Variants in ZNF469 observed in about 807,000 individuals in gnomAD.
The protein encoded by ZNF469 is zinc finger protein 469.
In ZNF469, 1 loss-of-function variant was observed where a neutral mutation model predicts 1.0. The observed-to-expected ratio is 1.00, with a 90% CI of 0.35 to 4.73. The LOEUF (loss-of-function observed/expected upper bound fraction) is 4.73. Ranked by LOEUF, ZNF469 falls within the 30% of genes most tolerant of loss-of-function variation. The pLI is 0.16. For missense variants in ZNF469, 6,100 were observed against 5,356.3 expected (o/e 1.14, Z -4.33); for synonymous variants, 2,703 against 2,363.4 (o/e 1.14, Z -4.17).
At chr16:88,229,387 A>AG in the ZNF469 span, among the ~76,000 whole-genome samples, 1 of 152,206 alleles carries the variant, frequency 6.6e-6, no homozygotes, top group East Asian at 1.9e-4. Context: ...CAGCCCTGGG[A>AG]GGACTTAACG....
the ZNF469 span, among the ~76,000 whole-genome samples, chr16:88,172,962 T>G: frequency 1.3e-5 from 2 of 152,216 alleles, no homozygotes; most frequent in African/African-American, 2.4e-5. Flanking sequence ...AACAGGACAC[T>G]GGTGACCTGT....
the ZNF469 span, among the ~76,000 whole-genome samples, chr16:88,360,952 A>T: frequency 2.6e-3 from 390 of 152,370 alleles, 1 homozygote; most frequent in African/African-American, 8.9e-3. Context: ...ATTCAAGCAC[A>T]TTACTTTTAT....
At position 88,438,074 on chromosome 16, in the gene ZNF469, C is replaced by T. The variant is rs1470125170; in HGVS notation, c.10604C>T (p.Thr3535Ile). 6.4e-7 allele frequency: 1 copy of T among 1,550,416 alleles called. No individual in the cohort carries two copies. Among genetic ancestry groups the T allele is most frequent in the South Asian group, 1.2e-5 (1 of 84,066 alleles). The stretch of plus-strand genomic sequence containing the variant: ...CTAGAGAGGCCTGTAGACCCCGTGA[C>T]CCACCCGATCAGAGGTTGTGAGCTG... ...ETLERPVDPV[T>I]HPIRGCELPS... Residue 3535 changes from threonine (T) to isoleucine (I), a missense_variant, in exon 3 of 3, where the codon ACC becomes ATC. Physicochemically the swap from Thr to Ile is moderately conservative, Grantham distance 89. Transcript: ENST00000565624.
chr16:88,121,883 G>A, the ZNF469 span, among the ~76,000 whole-genome samples: 4 of 152,222 alleles, frequency 2.6e-5, no homozygotes, highest in South Asian at 2.1e-4. Context: ...ACAGAGGCTC[G>A]TGGTAACGCG....
chr16:88,245,661 C>T, the ZNF469 span, among the ~76,000 whole-genome samples: 7 of 152,370 alleles, frequency 4.6e-5, no homozygotes, highest in East Asian at 9.6e-4. Flanking sequence ...CCCCAAGTGT[C>T]CTTCTCCCCC....
chr16:88,438,524 C>T lies in ZNF469; in HGVS notation c.11054C>T (p.Ala3685Val), dbSNP rs1906768941. 7.1e-6 allele frequency: 11 copies of T among 1,550,130 alleles called. No homozygotes were observed. Among genetic ancestry groups the T allele is most frequent in the South Asian group, 1.2e-5 (1 of 84,070 alleles). ...CAGAGCTCATCAAAGGACAGGTCGG[C>T]AGCATCCACCCCCAGCAAAGCACTC... ...GCQSSSKDRS[A>V]ASTPSKALKF... Residue 3685 changes from alanine to valine, a missense_variant, in exon 3 of 3, where the codon GCA (alanine) becomes GTA (valine). Transcript: ENST00000565624.
the ZNF469 span, among the ~76,000 whole-genome samples, chr16:88,128,767 C>T: frequency 1.3e-5 from 2 of 152,252 alleles, no homozygotes; most frequent in Non-Finnish European, 2.9e-5. Flanking sequence ...CCCCTCCAGG[C>T]CTCTGCTAAG....
intron 1 of ZNF469, among the ~76,000 whole-genome samples, chr16:88,407,171 C>T (rs951625543): frequency 2.9e-5 from 3 of 104,836 alleles, no homozygotes; most frequent in African/African-American, 8.6e-5. Flanking sequence ...CCTGAGTGGG[C>T]GGCTGCGGCT....
chr16:88,117,573 C>CGGACCATGGAGGTGCCACGTGCCTTCGG, the ZNF469 span, among the ~76,000 whole-genome samples: 8 of 22,226 alleles, frequency 3.6e-4, no homozygotes, highest in East Asian at 4.7e-3. Flanking sequence ...CGTGCCTTCA[C>CGGACCATGGAGGTGCCACGTGCCTTCGG]GGACCGTGGA....
At chr16:88,416,693 C>T (rs1451795163) in intron 1 of ZNF469, among the ~76,000 whole-genome samples, 2 of 152,224 alleles carry the variant, frequency 1.3e-5, no homozygotes, top group African/African-American at 2.4e-5. Flanking sequence ...CAAGCAGTCA[C>T]GTGGTGATTG....
At chr16:88,111,009 C>A in the ZNF469 span, among the ~76,000 whole-genome samples, 1 of 152,250 alleles carries the variant, frequency 6.6e-6, no homozygotes, top group African/African-American at 2.4e-5. Flanking sequence ...GCGGCCCAGA[C>A]GGGCACTCGT....
Position 88,436,385 on chromosome 16 carries a change from A to G in ZNF469, c.8915A>G (p.Glu2972Gly), listed in dbSNP as rs1906574621. 1 of 1,549,898 alleles carries G rather than the reference A, an allele frequency of 6.5e-7. No individual in the cohort carries two copies. The highest frequency in any genetic ancestry group is 8.7e-7 in the Non-Finnish European group (1 of 1,146,914). The change falls in exon 3 of 3, where the codon GAG (glutamate) becomes GGG (glycine). Residue 2972 changes from glutamate to glycine, a missense_variant. Glu to Gly is a moderately conservative substitution (Grantham distance 98). Transcript: ENST00000565624. ...GAGCCCAGCAGGGAAGCTGGTGCAGAGAAGCTGCCCTCCCACTGCCCCGAG... is the reference window on the plus strand; with the variant it reads ...GAGCCCAGCAGGGAAGCTGGTGCAGGGAAGCTGCCCTCCCACTGCCCCGAG... ...ALEPSREAGA[E>G]KLPSHCPEDD...
the ZNF469 span, among the ~76,000 whole-genome samples, chr16:88,370,992 G>A: frequency 6.6e-6 from 1 of 152,266 alleles, no homozygotes; most frequent in Non-Finnish European, 1.5e-5. Flanking sequence ...CTGTCGTCCA[G>A]CTCACAGCAA....
At chr16:88,254,840 A>C in the ZNF469 span, among the ~76,000 whole-genome samples, 1 of 146,788 alleles carries the variant, frequency 6.8e-6, no homozygotes, top group South Asian at 2.2e-4. Flanking sequence ...CGACTTCCAC[A>C]AAAAAAAAAA....
intron 1 of ZNF469, among the ~76,000 whole-genome samples, chr16:88,395,681 C>G (rs1014969218): frequency 3.9e-5 from 6 of 152,080 alleles, no homozygotes; most frequent in Admixed American, 2.0e-4. Context: ...GGCTAAATGC[C>G]TCACTCAGGG....
intron 1 of ZNF469, among the ~76,000 whole-genome samples, chr16:88,398,361 A>G (rs1005834456): frequency 9.2e-5 from 14 of 151,464 alleles, no homozygotes; most frequent in East Asian, 7.8e-4. Flanking sequence ...TGAGCCACGG[A>G]TGAAGGAGGA....
At position 88,432,732 on chromosome 16, in the gene ZNF469, G is replaced by A; in HGVS notation, c.5262G>A (p.Glu1754=). 1 of 1,550,446 alleles carries A rather than the reference G, an allele frequency of 6.4e-7. No individual in the cohort carries two copies. The highest frequency in any genetic ancestry group is 8.7e-7 in the Non-Finnish European group (1 of 1,147,002). ...DQELSFPKNK[E]AASSQESEDS... The stretch of plus-strand genomic sequence containing the variant: ...AACTTTCATTTCCTAAGAATAAGGA[G>A]GCCGCCAGCTCACAAGAAAGTGAAG... Residue 1754 remains glutamate, a synonymous_variant, in exon 3 of 3, where the codon GAG becomes GAA. Transcript: ENST00000565624.
At position 88,439,179 on chromosome 16, in the gene ZNF469, GC is replaced by G. The variant is rs1166428389; in HGVS notation, c.11715del (p.Lys3906ArgfsTer35). 2 of 1,550,422 alleles carry G rather than the reference GC, an allele frequency of 1.3e-6. No individual in the cohort carries two copies. Among genetic ancestry groups the G allele is most frequent in the Non-Finnish European group, 1.7e-6 (2 of 1,146,970 alleles). ...TCCCCCAGGGGAGACCCCTGCTCAG[GC>G]CCCCCAAGAGGGGCACAGCTGTCCA... is the stretch of plus-strand genomic sequence containing the variant. ...AFPQGRPLLR[P>X]PKRGTAVHGA... On this transcript the variant is annotated frameshift_variant, in exon 3 of 3. Transcript: ENST00000565624. LOFTEE classifies it low-confidence loss of function (END_TRUNC).
the ZNF469 span, among the ~76,000 whole-genome samples, chr16:88,374,795 G>A: frequency 1.7e-3 from 233 of 139,922 alleles, no homozygotes; most frequent in African/African-American, 5.4e-3. Context: ...TGAGATCGAC[G>A]CTGCTGAGCT....
Sources: gnomAD v4.1 joint callset for allele counts (sites outside exome capture counted in the v4.1 genomes callset) on GRCh38, gnomAD v4.1.1 for gene constraint, MANE v1.5 for transcripts, NCBI Gene and HGNC (gene_info 2026-07-23, HGNC 2026-07-21) for gene names.